INTS7: variants seen among roughly 807,000 people sequenced by gnomAD.
The protein encoded by INTS7 is chromosome 1 open reading frame 73.
Under a neutral mutation model 109.2 loss-of-function variants are expected in INTS7, and 46 were observed. The ratio of observed to expected loss-of-function variants is 0.42; its 90% CI spans 0.33 to 0.54. The LOEUF is 0.54. Ranked by LOEUF, INTS7 falls within the 20% of genes least tolerant of loss-of-function variation. The pLI, the probability that INTS7 is intolerant of heterozygous loss-of-function variation, is 0.07. For missense variants in INTS7, 929 were observed against 1,132.4 expected (o/e 0.82, Z 2.58); for synonymous variants, 412 against 402.9 (o/e 1.02, Z -0.27).
intron 4 of INTS7, among the ~76,000 whole-genome samples, chr1:212,013,275 C>T (rs1233343940): frequency 6.6e-6 from 1 of 152,114 alleles, no homozygotes; most frequent in Non-Finnish European, 1.5e-5. Context: ...CCGGCCTCAG[C>T]CTCCCAAATA....
intron 16 of INTS7, among the ~76,000 whole-genome samples, chr1:211,962,988 C>T (rs1663707933): frequency 6.6e-6 from 1 of 151,892 alleles, no homozygotes; most frequent in Non-Finnish European, 1.5e-5. Flanking sequence ...CAAATCAACC[C>T]CAAAGCTAGA....
Position 211,975,181 on chromosome 1 carries a change from C to T in INTS7, c.1800G>A (p.Gly600=), listed in dbSNP as rs1470522391. ...GAGGACTTACTGTTAAGGAAGCAAT[C>T]CCTTTGTGATAGAATTTTAAAGATT... The part of the protein sequence containing the change: ...IAESLKFYHK[G]IASLTAASTP... Residue 600 remains glycine, a synonymous_variant, in exon 13 of 20, where the codon GGG becomes GGA. Coordinates refer to ENST00000366994, the MANE Select transcript of INTS7 (RefSeq NM_015434.4). The T allele has an allele frequency of 6.2e-7, 1 of 1,611,348 alleles. No homozygotes were observed. Among genetic ancestry groups the T allele is most frequent in the Non-Finnish European group, 8.5e-7 (1 of 1,177,502 alleles).
rs569734747 is a variant in INTS7 at position 211,955,233 on chromosome 1, A to G, written c.2184-2532T>C. 5.3e-5 allele frequency among the ~76,000 whole-genome samples: 8 copies of G among 152,252 alleles called. No homozygotes were observed. The East Asian group carries it at 1.5e-3, about 29-fold the overall frequency. On this transcript the variant is annotated intron_variant, in intron 16 of 19. Transcript: ENST00000366994. ...GTATAAGAATGCTTGTGATTTTTGTACATTGATTTTGTATCCTGAGACTTT... is the reference window on the plus strand; with the variant it reads ...GTATAAGAATGCTTGTGATTTTTGTGCATTGATTTTGTATCCTGAGACTTT...
In INTS7 at chr1:212,021,353, T is replaced by C. The variant is rs1260416960; in HGVS notation, c.95-141A>G. 13 of 638,726 alleles carry C rather than the reference T, an allele frequency of 2.0e-5. 2 individuals carry two copies. Among genetic ancestry groups the C allele is most frequent in the Non-Finnish European group, 2.5e-6 (1 of 407,702 alleles). 39.6% of individuals were successfully genotyped at this position (638,726 alleles called of 1,614,324 possible). ...AGGTAAAGTATAATTCATTACCCTT[T>C]TAAAAGTAAAAATGGTATATTGAAA... On this transcript the variant is annotated intron_variant, in intron 1 of 19. Coordinates refer to ENST00000366994, the MANE Select transcript of INTS7 (RefSeq NM_015434.4).
Position 211,968,587 on chromosome 1 carries a change from G to A in INTS7, c.1936C>T (p.Pro646Ser). ...GCAATTGTTGTGGCAATTGCAGGTGGTGGGCTTGTCTTCAGGCTATTACAA... is the reference window on the plus strand; with the variant it reads ...GCAATTGTTGTGGCAATTGCAGGTGATGGGCTTGTCTTCAGGCTATTACAA... ...CTCNSLKTSP[P>S]PAIATTIAMT... Residue 646 changes from proline (P) to serine (S), a missense_variant, in exon 14 of 20, where the codon CCA (proline) becomes TCA (serine). By Grantham distance (74) the Pro-to-Ser change is moderately conservative. Around this residue, in one of 2 missense-constraint regions of INTS7, gnomAD observed 787 missense variants for 901.1 expected, o/e 0.87. Transcript: ENST00000366994. 6.2e-7 allele frequency: 1 copy of A among 1,614,074 alleles called. No individual in the cohort carries two copies. The highest frequency in any genetic ancestry group is 8.5e-7 in the Non-Finnish European group (1 of 1,179,992).
At chr1:211,968,330 A>G (rs77362762) in intron 14 of INTS7, among the ~76,000 whole-genome samples, 183 bp downstream of exon 14, 1 of 152,232 alleles carries the variant, frequency 6.6e-6, no homozygotes, top group Non-Finnish European at 1.5e-5. Context: ...CATTGAGATA[A>G]CATGAATCAC....
intron 9 of INTS7, among the ~76,000 whole-genome samples, chr1:211,982,235 CT>C (rs975789474): frequency 3.3e-5 from 5 of 152,158 alleles, no homozygotes; most frequent in African/African-American, 1.2e-4. Flanking sequence ...AGAGTAAATT[CT>C]GTGAAAATTT....
At position 211,966,455 on chromosome 1, in the gene INTS7, G is replaced by A; in HGVS notation, c.2158C>T (p.Leu720=). Residue 720 remains leucine (L), a synonymous_variant, in exon 16 of 20, where the codon CTG becomes TTG. Coordinates refer to ENST00000366994, the MANE Select transcript of INTS7 (RefSeq NM_015434.4). ...CLLISHAIEA[L]ILDPESASFQ... ...CTTGCTGATTCTGGATCCAAAATCAGGGCTTCTATTGCATGAGATATCAGT... is the reference window on the plus strand; with the variant it reads ...CTTGCTGATTCTGGATCCAAAATCAAGGCTTCTATTGCATGAGATATCAGT... 6.2e-7 allele frequency: 1 copy of A among 1,605,976 alleles called. No homozygotes were observed. The highest frequency in any genetic ancestry group is 8.5e-7 in the Non-Finnish European group (1 of 1,173,156).
chr1:211,962,064 A>G (rs1663656311), intron 16 of INTS7, among the ~76,000 whole-genome samples: 1 of 152,158 alleles, frequency 6.6e-6, no homozygotes, highest in Admixed American at 6.5e-5. Flanking sequence ...AAATGCCCCA[A>G]TTACAAGGCA....
At chr1:211,978,563 G>C in intron 10 of INTS7, 52 bp from the exon 11 acceptor site, 2 of 1,604,778 alleles carry the variant, frequency 1.2e-6, no homozygotes, top group South Asian at 2.2e-5. Context: ...TACAGATGAA[G>C]CTTTAAGGAA....
chr1:211,954,539 G>GT (rs1558024049), intron 16 of INTS7, among the ~76,000 whole-genome samples: 1 of 151,968 alleles, frequency 6.6e-6, no homozygotes. Flanking sequence ...GGTCAAACAT[G>GT]TAAGTCTTTA....
At position 211,941,906 on chromosome 1, in the gene INTS7, G is replaced by C; in HGVS notation, c.2807C>G (p.Ser936Cys). ...CTGCTGTTGTAAGCGAATTTGCTGG[G>C]AATAAGGGTCTTCCAGGGATTTTAC... ...IFVKSLEDPYSQQIRLQQQQA... is the reference protein window; with the variant it reads ...IFVKSLEDPYCQQIRLQQQQA... The change falls in exon 20 of 20, where the codon TCC (serine) becomes TGC (cysteine). Residue 936 changes from serine (S) to cysteine (C), a missense_variant. By Grantham distance (112) the Ser-to-Cys change is moderately radical. Transcript: ENST00000366994. The C allele has an allele frequency of 6.2e-7, 1 of 1,614,186 alleles. No homozygotes were observed.
intron 19 of INTS7, among the ~76,000 whole-genome samples, chr1:211,943,569 C>T (rs1029519820): frequency 3.3e-5 from 5 of 152,062 alleles, no homozygotes; most frequent in African/African-American, 1.2e-4. Flanking sequence ...ACATAAGGTA[C>T]CATGCTGTAT....
At position 212,035,454 on chromosome 1, in the gene INTS7, C is replaced by T. The variant is rs1558065986; in HGVS notation, c.-17G>A. On this transcript the variant is annotated 5_prime_UTR_variant, in exon 1 of 20. Transcript: ENST00000366994. The stretch of plus-strand genomic sequence containing the variant: ...TGACGCCATGACCCGAATAGTTACT[C>T]GACTAGCCTAGTCAGAAAGCTTGCA... The T allele has an allele frequency of 6.4e-7, 1 of 1,573,240 alleles. No individual in the cohort carries two copies. Among genetic ancestry groups the T allele is most frequent in the Non-Finnish European group, 8.8e-7 (1 of 1,142,850 alleles).
intron 7 of INTS7, among the ~76,000 whole-genome samples, chr1:212,003,460 C>T (rs368968549): frequency 2.0e-5 from 3 of 152,168 alleles, no homozygotes; most frequent in South Asian, 4.1e-4. Context: ...AAAGCATTTT[C>T]AGGCAAGCAA....
intron 8 of INTS7, among the ~76,000 whole-genome samples, chr1:211,983,683 T>A (rs1400392872): frequency 6.6e-6 from 1 of 152,172 alleles, no homozygotes; most frequent in African/African-American, 2.4e-5. Context: ...ATACCAAGGG[T>A]GACCGTATTT....
rs150645075 is a variant in INTS7, at chr1:212,014,211, T to G, written c.509+2675A>C. On this transcript the variant is annotated intron_variant, in intron 4 of 19. Coordinates refer to ENST00000366994, the MANE Select transcript of INTS7 (RefSeq NM_015434.4). The stretch of plus-strand genomic sequence containing the variant: ...CGGGCACACTGGCTCACGCCTGTAA[T>G]TCCAGCACTTTGGGAGGCCAAGGCA... Among the ~76,000 whole-genome samples the G allele has an allele frequency of 8.3e-3, 1,269 of 152,294 alleles. 15 individuals carry two copies. The highest frequency in any genetic ancestry group is 0.014 in the Non-Finnish European group (965 of 68,030).
chr1:212,015,710 T>TAAAAAAA (rs58204818), intron 4 of INTS7, among the ~76,000 whole-genome samples: 26 of 34,980 alleles, frequency 7.4e-4, no homozygotes, highest in South Asian at 2.3e-3. Context: ...CAATAAATAC[T>TAAAAAAA]AAAAAAAAAA....
chr1:211,978,903 T>A (rs1365409237), intron 10 of INTS7, among the ~76,000 whole-genome samples: 1 of 151,994 alleles, frequency 6.6e-6, no homozygotes, highest in African/African-American at 2.4e-5. Context: ...AGAATGAAAA[T>A]AAAAATATAG....
Sources: allele counts gnomAD v4.1 joint callset (sites outside exome capture counted in the v4.1 genomes callset), GRCh38; gene constraint gnomAD v4.1.1; regional missense constraint gnomAD v4.1.1; transcripts MANE v1.5; gene names NCBI Gene and HGNC (gene_info 2026-07-23, HGNC 2026-07-21).